Variants in NXPE2 observed in about 807,000 individuals in gnomAD.
NXPE2 encodes neurexophilin and PC-esterase domain family member 2.
Under a neutral mutation model 34.4 loss-of-function variants are expected in NXPE2, and 34 were observed. The ratio of observed to expected loss-of-function variants is 0.99; its 90% CI spans 0.75 to 1.31. The LOEUF is 1.31. NXPE2 is among the 40% of genes most tolerant of loss of function. The pLI, the probability that NXPE2 is intolerant of heterozygous loss-of-function variation, is 0.00. For missense variants in NXPE2, 649 were observed against 672.5 expected (o/e 0.97, Z 0.39); for synonymous variants, 235 against 231.3 (o/e 1.02, Z -0.15).
At chr11:114,466,561 T>C in the NXPE2 span, among the ~76,000 whole-genome samples, 3 of 152,140 alleles carry the variant, frequency 2.0e-5, no homozygotes, top group African/African-American at 7.2e-5. Flanking sequence ...CTTGAATATA[T>C]ATATATATTG....
chr11:114,623,618 T>C, the NXPE2 span, among the ~76,000 whole-genome samples: 1 of 151,550 alleles, frequency 6.6e-6, no homozygotes, highest in Non-Finnish European at 1.5e-5. Context: ...GGTTACCCGT[T>C]TTACCCACTG....
chr11:114,485,383 CTT>C, the NXPE2 span, among the ~76,000 whole-genome samples: 22,922 of 88,618 alleles, frequency 0.26, 2,492 homozygotes, highest in East Asian at 0.38. Context: ...TAATTTTTGT[CTT>C]TTTTTTTTTT....
chr11:114,485,390 T>C, the NXPE2 span, among the ~76,000 whole-genome samples: 1 of 143,412 alleles, frequency 7.0e-6, no homozygotes, highest in Non-Finnish European at 1.5e-5. Flanking sequence ...TGTCTTTTTT[T>C]TTTTTTTTTT....
chr11:114,551,441 C>T, the NXPE2 span: 159 of 1,249,780 alleles, frequency 1.3e-4, no homozygotes, highest in Non-Finnish European at 1.5e-4. Context: ...CTTCCAGGAC[C>T]CTGAAATGGA....
At chr11:114,784,841 A>G in the NXPE2 span, among the ~76,000 whole-genome samples, 2 of 152,154 alleles carry the variant, frequency 1.3e-5, no homozygotes, top group Non-Finnish European at 2.9e-5. Flanking sequence ...AAGCTTAAGG[A>G]GGCAGAGCCA....
At chr11:114,790,160 A>G in the NXPE2 span, among the ~76,000 whole-genome samples, 1 of 152,314 alleles carries the variant, frequency 6.6e-6, no homozygotes, top group African/African-American at 2.4e-5. Context: ...TTGACTCAGG[A>G]GTATAGGGCC....
At chr11:114,494,506 T>C in the NXPE2 span, among the ~76,000 whole-genome samples, 2 of 152,222 alleles carry the variant, frequency 1.3e-5, no homozygotes, top group Non-Finnish European at 2.9e-5. Context: ...CATTCTTCAA[T>C]AGACCAATTG....
the NXPE2 span, among the ~76,000 whole-genome samples, chr11:114,618,642 G>A: frequency 4.6e-5 from 7 of 151,838 alleles, no homozygotes; most frequent in Admixed American, 1.3e-4. Flanking sequence ...ACTGTTCCCC[G>A]GTTTATAATA....
the NXPE2 span, among the ~76,000 whole-genome samples, chr11:114,647,212 C>T: frequency 5.3e-5 from 8 of 152,282 alleles, no homozygotes; most frequent in East Asian, 1.9e-4. Flanking sequence ...CTTCTACATT[C>T]GTAGATTTGG....
At chr11:114,636,222 T>G in the NXPE2 span, among the ~76,000 whole-genome samples, 1 of 152,092 alleles carries the variant, frequency 6.6e-6, no homozygotes, top group Non-Finnish European at 1.5e-5. Flanking sequence ...ATTTATCCAT[T>G]TTTTCTAGAT....
chr11:114,499,692 C>T, the NXPE2 span, among the ~76,000 whole-genome samples: 43 of 152,226 alleles, frequency 2.8e-4, no homozygotes, highest in South Asian at 3.1e-3. Flanking sequence ...TTGACAAATA[C>T]GTATGTCTGT....
At chr11:114,491,499 T>C in the NXPE2 span, among the ~76,000 whole-genome samples, 1 of 151,940 alleles carries the variant, frequency 6.6e-6, no homozygotes, top group African/African-American at 2.4e-5. Flanking sequence ...CATTAAAAAG[T>C]CAGGAAACAA....
At chr11:114,796,154 A>AAAAT in the NXPE2 span, among the ~76,000 whole-genome samples, 1 of 152,224 alleles carries the variant, frequency 6.6e-6, no homozygotes, top group African/African-American at 2.4e-5. Flanking sequence ...GAAGCAAATA[A>AAAAT]AAATAACATA....
intron 2 of NXPE2, among the ~76,000 whole-genome samples, chr11:114,695,976 C>A (rs1951244730): frequency 6.6e-6 from 1 of 151,888 alleles, no homozygotes; most frequent in South Asian, 2.1e-4. Context: ...CGAGATTGTG[C>A]CACTGCACTC....
the NXPE2 span, chr11:114,583,049 A>G: frequency 5.1e-6 from 8 of 1,581,152 alleles, no homozygotes; most frequent in Admixed American, 8.8e-5. Flanking sequence ...GTGACATGAG[A>G]TGGATAAATT....
At chr11:114,503,940 C>T in the NXPE2 span, among the ~76,000 whole-genome samples, 1 of 152,214 alleles carries the variant, frequency 6.6e-6, no homozygotes, top group Admixed American at 6.5e-5. Context: ...CTGGCCTTGC[C>T]TGCTTACAGG....
In NXPE2 at chr11:114,698,467, C is replaced by T. The variant is rs1327185160; in HGVS notation, c.555C>T (p.Gly185=). Reference sequence around the variant, plus strand: ...TCAGCTTCACTCTGTTCTGGGAGGGCCAGGTTTCCCTGTCTCTGCTGCTCA... The same window carrying T: ...TCAGCTTCACTCTGTTCTGGGAGGGTCAGGTTTCCCTGTCTCTGCTGCTCA... The part of the protein sequence containing the change: ...YLVSFTLFWE[G]QVSLSLLLIH... The change falls in exon 3 of 6, where the codon GGC becomes GGT. Residue 185 remains glycine (G), a synonymous_variant. Transcript: ENST00000389586. 3 of 1,613,908 alleles carry T rather than the reference C, an allele frequency of 1.9e-6. No homozygotes were observed. Among genetic ancestry groups the T allele is most frequent in the African/African-American group, 2.7e-5 (2 of 74,920 alleles).
chr11:114,664,300 G>A, the NXPE2 span, among the ~76,000 whole-genome samples: 11 of 152,250 alleles, frequency 7.2e-5, no homozygotes, highest in Admixed American at 7.2e-4. Flanking sequence ...AACCATCATG[G>A]CAGAAAACAA....
At chr11:114,695,625 T>A (rs1181524994) in intron 2 of NXPE2, among the ~76,000 whole-genome samples, 2 of 152,012 alleles carry the variant, frequency 1.3e-5, no homozygotes, top group Admixed American at 1.3e-4. Context: ...TTAAATCAAA[T>A]CATATCAATA....
Sources: gnomAD v4.1 joint callset for allele counts (sites outside exome capture counted in the v4.1 genomes callset) on GRCh38, gnomAD v4.1.1 for gene constraint, MANE v1.5 for transcripts, NCBI Gene and HGNC (gene_info 2026-07-23, HGNC 2026-07-21) for gene names.